DTNB: variants seen among roughly 807,000 people sequenced by gnomAD.
DTNB encodes the protein dystrobrevin beta, also known as DTN-B.
DTNB carries 63 observed loss-of-function variants against 90.7 expected under a neutral mutation model. That is an observed-to-expected ratio of 0.69 (90% CI 0.57 to 0.86). The LOEUF (loss-of-function observed/expected upper bound fraction) is 0.86, where lower values mean the gene tolerates loss of function less well. Among genes scored for constraint, DTNB ranks in the 40% least tolerant of loss-of-function variants. DTNB has a pLI of 0.00. For synonymous variants in DTNB, 277 were observed against 286.7 expected, an observed-to-expected ratio of 0.97 and a Z score of 0.34; for missense variants, 744 against 807.1, an observed-to-expected ratio of 0.92 and a Z score of 0.95.
rs1330134015 is a variant in DTNB, at chr2:25,633,947, T to G, written c.148+5067A>C. On this transcript the variant is annotated intron_variant, in intron 3 of 20. Transcript: ENST00000406818. The stretch of plus-strand genomic sequence containing the variant: ...GACCCTCCGCCTGGCAACCGCCCCG[T>G]CTGAGAAGTGAGGAGCCCCTCCACC... Among the ~76,000 whole-genome samples, 4 of 149,360 alleles carry G rather than the reference T, an allele frequency of 2.7e-5. No homozygotes were observed. The East Asian group carries it at 8.0e-4, about 30-fold the overall frequency.
At chr2:25,653,444 AAAG>A (rs1483837394) in intron 1 of DTNB, among the ~76,000 whole-genome samples, 13 of 150,054 alleles carry the variant, frequency 8.7e-5, no homozygotes, top group Middle Eastern at 3.4e-3. Context: ...AAAAAAAAAA[AAAG>A]AAAGAAGGAA....
intron 18 of DTNB, chr2:25,386,013 C>A (rs923501342): frequency 1.0e-6 from 1 of 985,138 alleles, no homozygotes; most frequent in East Asian, 1.1e-4. Flanking sequence ...TTAGGGAAAG[C>A]GCCTTCTAAT....
intron 10 of DTNB, among the ~76,000 whole-genome samples, chr2:25,460,339 C>G (rs1470068771): frequency 6.6e-6 from 1 of 152,086 alleles, no homozygotes; most frequent in Non-Finnish European, 1.5e-5. Flanking sequence ...AGGTACTCAT[C>G]AGGAGGTGGA....
At chr2:25,554,503 G>A (rs2056937694) in intron 8 of DTNB, among the ~76,000 whole-genome samples, 1 of 152,022 alleles carries the variant, frequency 6.6e-6, no homozygotes, top group Admixed American at 6.6e-5. Context: ...AGCTTGGAGA[G>A]TAATTTAGCA....
In DTNB at chr2:25,421,956, G is replaced by A. The variant is rs571813092; in HGVS notation, c.1555-2421C>T. ...GCCTTCCATGTGGCCTGGTACTGGG[G>A]AGAGAATGGACTTTGGCAAAGTGTT... On this transcript the variant is annotated intron_variant, in intron 15 of 20. Coordinates refer to ENST00000406818, the MANE Select transcript of DTNB (RefSeq NM_021907.5). 1.2e-4 allele frequency among the ~76,000 whole-genome samples: 18 copies of A among 152,356 alleles called. No homozygotes were observed. In the East Asian group the frequency reaches 3.5e-3, roughly 29 times the overall value.
chr2:25,482,733 C>G, intron 10 of DTNB, 63 bp downstream of exon 10: 3 of 1,545,998 alleles, frequency 1.9e-6, no homozygotes, highest in Non-Finnish European at 2.7e-6. Context: ...TCATTTCTGG[C>G]AGGGGCATCG....
intron 9 of DTNB, among the ~76,000 whole-genome samples, chr2:25,500,077 A>T (rs930557583): frequency 3.3e-5 from 5 of 151,808 alleles, no homozygotes; most frequent in African/African-American, 2.4e-5. Context: ...TTATTTTTAT[A>T]TTTCTGTAGA....
At chr2:25,514,685 T>G (rs911486853) in intron 9 of DTNB, among the ~76,000 whole-genome samples, 8 of 142,564 alleles carry the variant, frequency 5.6e-5, no homozygotes, top group Non-Finnish European at 1.1e-4. Context: ...AAAAATCTTT[T>G]TTTTTTTTTT....
intron 19 of DTNB, 103 bp from the exon 20 acceptor site, chr2:25,379,426 C>T: frequency 8.0e-7 from 1 of 1,244,992 alleles, no homozygotes. Context: ...ACCCCAGGGG[C>T]TTCCTTGCTT....
At chr2:25,611,975 C>G (rs1318432013) in intron 4 of DTNB, among the ~76,000 whole-genome samples, 1 of 152,092 alleles carries the variant, frequency 6.6e-6, no homozygotes, top group African/African-American at 2.4e-5. Flanking sequence ...GGCCCTTTAT[C>G]AAGAGACAGC....
At position 25,383,817 on chromosome 2, in the gene DTNB, C is replaced by G; in HGVS notation, c.1879+19G>C. The G allele has an allele frequency of 6.2e-7, 1 of 1,614,040 alleles. No homozygotes were observed. The highest frequency in any genetic ancestry group is 8.5e-7 in the Non-Finnish European group (1 of 1,179,896). Reference sequence around the variant, plus strand: ...CGGGCTCCCCATTTAAACGAGCAGTCCTGCTGAGCTGCCTTTACCTCTGTC... The same window carrying G: ...CGGGCTCCCCATTTAAACGAGCAGTGCTGCTGAGCTGCCTTTACCTCTGTC... On this transcript the variant is annotated intron_variant, in intron 19 of 20. Transcript: ENST00000406818.
chr2:25,652,603 T>A lies in DTNB; in HGVS notation c.58A>T (p.Ile20Leu), dbSNP rs2081173496. ...AGGACTCAAGACTCACGCATTTCTA[T>A]GAACAGCTGCCTCTTCTCTGCCATG... The part of the protein sequence containing the change: ...KTMAEKRQLF[I>L]EMRAQNFDVI... The change falls in exon 2 of 21, where the codon ATA becomes TTA. Residue 20 changes from isoleucine (I) to leucine (L), a missense_variant. Physicochemically the swap from Ile to Leu is conservative, Grantham distance 5. Coordinates refer to ENST00000406818, the MANE Select transcript of DTNB (RefSeq NM_021907.5). 1 of 1,612,248 alleles carries A rather than the reference T, an allele frequency of 6.2e-7. No homozygotes were observed. The highest frequency in any genetic ancestry group is 8.5e-7 in the Non-Finnish European group (1 of 1,179,610).
intron 8 of DTNB, among the ~76,000 whole-genome samples, chr2:25,535,124 G>A (rs1352341290): frequency 6.7e-6 from 1 of 148,804 alleles, no homozygotes; most frequent in Non-Finnish European, 1.5e-5. Flanking sequence ...GCCGGGCAGA[G>A]GTGCTCCTCA....
At chr2:25,528,087 TA>T (rs1264425116) in intron 9 of DTNB, among the ~76,000 whole-genome samples, 2 of 152,104 alleles carry the variant, frequency 1.3e-5, no homozygotes, top group Non-Finnish European at 2.9e-5. Context: ...AAGATGATGC[TA>T]AAAAACAATT....
At chr2:25,621,500 G>A (rs2072625061) in intron 4 of DTNB, among the ~76,000 whole-genome samples, 2 of 145,086 alleles carry the variant, frequency 1.4e-5, no homozygotes, top group African/African-American at 5.1e-5. Flanking sequence ...AGGCTGAAGT[G>A]CAGTGGTGTG....
Position 25,451,585 on chromosome 2 carries a change from C to T in DTNB, c.1220G>A (p.Arg407His), listed in dbSNP as rs746660158. The T allele has an allele frequency of 2.9e-5, 47 of 1,608,744 alleles. No homozygotes were observed. The highest frequency in any genetic ancestry group is 1.5e-4 in the South Asian group (13 of 89,478). ...TTCTGCAGCCAGCCGGGCAGCATAG[C>T]GAGCTATAAGACGGTGTTCCTCATC... ...RLDEEHRLIA[R>H]YAARLAAEAG... Residue 407 changes from arginine (R) to histidine (H), a missense_variant, in exon 12 of 21, where the codon CGC (arginine) becomes CAC (histidine). By Grantham distance (29) the Arg-to-His change is conservative. Coordinates refer to ENST00000406818, the MANE Select transcript of DTNB (RefSeq NM_021907.5).
chr2:25,537,880 AT>A (rs1470318657), intron 8 of DTNB, among the ~76,000 whole-genome samples: 1 of 152,196 alleles, frequency 6.6e-6, no homozygotes, highest in Non-Finnish European at 1.5e-5. Context: ...CCTTCACTTC[AT>A]TTAAGCTCCT....
At chr2:25,570,436 A>G (rs960759885) in intron 8 of DTNB, among the ~76,000 whole-genome samples, 5 of 148,828 alleles carry the variant, frequency 3.4e-5, no homozygotes, top group Non-Finnish European at 7.4e-5. Context: ...AAAAAAGAAG[A>G]AAAAAAAATG....
intron 4 of DTNB, among the ~76,000 whole-genome samples, chr2:25,622,730 G>C (rs1229145737): frequency 1.3e-5 from 2 of 152,014 alleles, no homozygotes; most frequent in African/African-American, 2.4e-5. Flanking sequence ...CTTAGACACA[G>C]GGATACAACT....
Sources: gnomAD v4.1 joint callset for allele counts (sites outside exome capture counted in the v4.1 genomes callset) on GRCh38, gnomAD v4.1.1 for gene constraint, MANE v1.5 for transcripts, NCBI Gene and HGNC (gene_info 2026-07-23, HGNC 2026-07-21) for gene names.